The following RORA variants were observed in gnomAD, a reference collection of about 807,000 sequenced individuals.
RORA encodes nuclear receptor ROR-alpha.
In RORA, 7 loss-of-function variants were observed where a neutral mutation model predicts 69.5. The ratio of observed to expected loss-of-function variants is 0.10; its 90% CI spans 0.06 to 0.19. The LOEUF (loss-of-function observed/expected upper bound fraction) is 0.19. Among genes scored for constraint, RORA ranks in the 10% least tolerant of loss-of-function variants. The pLI, the probability that RORA is intolerant of heterozygous loss-of-function variation, is 1.00. For missense variants in RORA, 457 were observed against 663.0 expected, an observed-to-expected ratio of 0.69 and a Z score of 3.41; for synonymous variants, 261 against 240.8, an observed-to-expected ratio of 1.08 and a Z score of -0.78.
intron 2 of RORA, among the ~76,000 whole-genome samples, chr15:60,587,575 C>A (rs1231554579): frequency 6.6e-6 from 1 of 152,132 alleles, no homozygotes; most frequent in Non-Finnish European, 1.5e-5. Context: ...CAGTGACTCT[C>A]TATGGAGGAT....
intron 2 of RORA, among the ~76,000 whole-genome samples, chr15:60,561,082 G>GTTTTTTTTTTTTTGTT (rs571970599): frequency 8.2e-6 from 1 of 122,052 alleles, no homozygotes; most frequent in African/African-American, 3.1e-5. Flanking sequence ...TTTTGTTTTT[G>GTTTTTTTTTTTTTGTT]TTTTTTTTTT....
intron 1 of RORA, among the ~76,000 whole-genome samples, chr15:61,127,962 T>C (rs1445095540): frequency 1.3e-5 from 2 of 152,198 alleles, no homozygotes; most frequent in Admixed American, 6.5e-5. Context: ...ATGCATCAGC[T>C]TCTTACAGCT....
intron 1 of RORA, among the ~76,000 whole-genome samples, chr15:60,997,403 T>A (rs1566937874): frequency 6.6e-6 from 1 of 152,208 alleles, no homozygotes; most frequent in East Asian, 1.9e-4. Context: ...GAGAGTCAAG[T>A]CTGTTCTCCT....
chr15:61,193,451 G>C (rs1189547846), intron 1 of RORA, among the ~76,000 whole-genome samples: 1 of 151,992 alleles, frequency 6.6e-6, no homozygotes, highest in African/African-American at 2.4e-5. Context: ...TTTTCCCTTA[G>C]GTCTCTTGCT....
chr15:61,125,178 A>G (rs2079133077), intron 1 of RORA, among the ~76,000 whole-genome samples: 1 of 152,228 alleles, frequency 6.6e-6, no homozygotes, highest in Non-Finnish European at 1.5e-5. Context: ...TAACACTAGT[A>G]TTCATACCAA....
intron 1 of RORA, among the ~76,000 whole-genome samples, chr15:61,188,890 C>A (rs1412212080): frequency 6.6e-6 from 1 of 152,168 alleles, no homozygotes; most frequent in African/African-American, 2.4e-5. Flanking sequence ...TGACCAAGGT[C>A]AGGGTGAAAA....
chr15:61,033,413 A>AC (rs1555403803), intron 1 of RORA, among the ~76,000 whole-genome samples: 55 of 151,024 alleles, frequency 3.6e-4, no homozygotes, highest in African/African-American at 1.3e-3. Flanking sequence ...ATTCTGAAAA[A>AC]AAAAACAAAA....
chr15:60,582,549 G>C (rs1468165195), intron 2 of RORA, among the ~76,000 whole-genome samples: 1 of 152,144 alleles, frequency 6.6e-6, no homozygotes, highest in African/African-American at 2.4e-5. Flanking sequence ...CCCTATGTAG[G>C]GGGGTTTCCA....
At chr15:60,658,820 A>T (rs2070260894) in intron 2 of RORA, among the ~76,000 whole-genome samples, 1 of 152,210 alleles carries the variant, frequency 6.6e-6, no homozygotes, top group Non-Finnish European at 1.5e-5. Flanking sequence ...TTTCTATTTC[A>T]ATTGTGATGT....
chr15:61,109,888 C>T (rs2078987277), intron 1 of RORA, among the ~76,000 whole-genome samples: 1 of 152,146 alleles, frequency 6.6e-6, no homozygotes, highest in Admixed American at 6.5e-5. Context: ...TAATATGTAC[C>T]TGTGAGTGAT....
intron 1 of RORA, among the ~76,000 whole-genome samples, chr15:61,220,591 G>C (rs1028833879): frequency 5.3e-5 from 8 of 152,094 alleles, no homozygotes; most frequent in Admixed American, 2.0e-4. Flanking sequence ...CTCTGTCTTT[G>C]TCCATTTCTT....
rs2065695357 is a variant in RORA, at chr15:60,511,478, C to T, written c.568G>A (p.Ala190Thr). The T allele has an allele frequency of 1.9e-6, 3 of 1,614,164 alleles. No homozygotes were observed. Among genetic ancestry groups the T allele is most frequent in the Non-Finnish European group, 2.5e-6 (3 of 1,180,032 alleles). ...TCGTGAAGTTCCGTCAGCCCGTTGG[C>T]CGAGATGTTGTAGGTGGGCGTCAGC... ...EPLTPTYNIS[A>T]NGLTELHDDL... Residue 190 changes from alanine (A) to threonine (T), a missense_variant, in exon 5 of 11, where the codon GCC becomes ACC. By Grantham distance (58) the Ala-to-Thr change is moderately conservative (BLOSUM62 0). This residue lies in a region of RORA where 304 missense variants were observed against 447.4 expected (regional missense o/e 0.68). Coordinates refer to ENST00000335670, the MANE Select transcript of RORA (RefSeq NM_134261.3). The surrounding 1 kb of genome is among the most constrained non-coding windows in gnomAD (Gnocchi z 6.4).
At chr15:60,611,578 A>AAAAAG in intron 2 of RORA, among the ~76,000 whole-genome samples, 1 of 144,018 alleles carries the variant, frequency 6.9e-6, no homozygotes, top group Admixed American at 6.9e-5. Context: ...AAAAAAAAAA[A>AAAAAG]AAAAAAAAAA....
intron 1 of RORA, among the ~76,000 whole-genome samples, chr15:61,028,509 T>C (rs781238909): frequency 6.6e-6 from 1 of 152,212 alleles, no homozygotes; most frequent in Non-Finnish European, 1.5e-5. Context: ...TCAAAGCAGA[T>C]ACAGTACCTG....
At chr15:60,884,128 G>T (rs140795340) in intron 1 of RORA, among the ~76,000 whole-genome samples, 1,772 of 152,116 alleles carry the variant, frequency 0.012, 22 homozygotes, top group Non-Finnish European at 0.019. Flanking sequence ...TGCGTCCGTG[G>T]CTGACAAATG....
At chr15:61,054,750 T>C (rs1202388166) in intron 1 of RORA, among the ~76,000 whole-genome samples, 1 of 152,178 alleles carries the variant, frequency 6.6e-6, no homozygotes, top group Non-Finnish European at 1.5e-5. Context: ...TGGGCTGTAC[T>C]AATCAAACAA....
chr15:60,577,803 A>G (rs1274312753), intron 2 of RORA, among the ~76,000 whole-genome samples: 1 of 152,232 alleles, frequency 6.6e-6, no homozygotes, highest in Non-Finnish European at 1.5e-5. Context: ...ACATATAAAA[A>G]TAAGTATATT....
chr15:61,103,177 C>G (rs1027248138), intron 1 of RORA, among the ~76,000 whole-genome samples: 2 of 152,174 alleles, frequency 1.3e-5, no homozygotes, highest in African/African-American at 4.8e-5. Flanking sequence ...ATGGAGAAGG[C>G]ATGGTGAGAT....
At chr15:60,583,697 G>C (rs538193247) in intron 2 of RORA, among the ~76,000 whole-genome samples, 1 of 152,332 alleles carries the variant, frequency 6.6e-6, no homozygotes, top group South Asian at 2.1e-4. Flanking sequence ...CATGCTGGTT[G>C]ATAGCAAGGC....
Sources: allele counts gnomAD v4.1 joint callset (sites outside exome capture counted in the v4.1 genomes callset), GRCh38; gene constraint gnomAD v4.1.1; regional missense constraint gnomAD v4.1.1; non-coding constraint Gnocchi (gnomAD v3.1); transcripts MANE v1.5; gene names NCBI Gene and HGNC (gene_info 2026-07-23, HGNC 2026-07-21).